The following EXOC4 variants were observed in gnomAD, a reference collection of about 807,000 sequenced individuals.
The protein encoded by EXOC4 is exocyst complex component 4.
Under a neutral mutation model 107.2 loss-of-function variants are expected in EXOC4, and 71 were observed. The observed-to-expected ratio is 0.66, with a 90% CI of 0.55 to 0.81. EXOC4 has a LOEUF of 0.81. EXOC4 is among the 30% of genes least tolerant of loss of function. The pLI, the probability that EXOC4 is intolerant of heterozygous loss-of-function variation, is 0.00. For synonymous variants in EXOC4, 456 were observed against 441.2 expected, an observed-to-expected ratio of 1.03 and a Z score of -0.42; for missense variants, 1,108 against 1,189.6, an observed-to-expected ratio of 0.93 and a Z score of 1.01.
At chr7:133,592,836 C>T (rs1245207127) in intron 9 of EXOC4, among the ~76,000 whole-genome samples, 1 of 152,166 alleles carries the variant, frequency 6.6e-6, no homozygotes, top group African/African-American at 2.4e-5. Context: ...CTCCTGACCT[C>T]ATGATCCACC....
chr7:133,398,074 T>C (rs1425824614), intron 7 of EXOC4, among the ~76,000 whole-genome samples: 1 of 152,208 alleles, frequency 6.6e-6, no homozygotes, highest in Non-Finnish European at 1.5e-5. Flanking sequence ...TCTGCTTTGC[T>C]TTGGTATGAC....
chr7:133,856,871 CA>C (rs1798384305), intron 11 of EXOC4, among the ~76,000 whole-genome samples: 1 of 151,232 alleles, frequency 6.6e-6, no homozygotes, highest in African/African-American at 2.4e-5. Context: ...GAGGCCAAGG[CA>C]GGCGGATCAC....
intron 1 of EXOC4, among the ~76,000 whole-genome samples, chr7:133,258,652 GAT>G (rs1363504795): frequency 6.6e-6 from 1 of 152,070 alleles, no homozygotes; most frequent in African/African-American, 2.4e-5. Flanking sequence ...AGATTCTTTT[GAT>G]ATTAATAAAT....
intron 14 of EXOC4, among the ~76,000 whole-genome samples, chr7:133,971,048 C>A (rs969664720): frequency 6.6e-6 from 1 of 151,918 alleles, no homozygotes; most frequent in African/African-American, 2.4e-5. Context: ...AACTGTAGTG[C>A]CTTCATGAGA....
chr7:133,557,983 C>A (rs79453172), intron 9 of EXOC4, among the ~76,000 whole-genome samples: 6,093 of 152,120 alleles, frequency 0.04, 415 homozygotes, highest in African/African-American at 0.14. Context: ...AGCAAGACTT[C>A]TTCTCAAAAA....
At chr7:133,733,382 C>T (rs1328061544) in intron 10 of EXOC4, among the ~76,000 whole-genome samples, 3 of 152,162 alleles carry the variant, frequency 2.0e-5, no homozygotes, top group African/African-American at 7.2e-5. Flanking sequence ...ATCCCAGCTA[C>T]TCAGGAGGCT....
intron 14 of EXOC4, among the ~76,000 whole-genome samples, chr7:133,979,547 G>A (rs1335339850): frequency 6.6e-6 from 1 of 152,134 alleles, no homozygotes; most frequent in Non-Finnish European, 1.5e-5. Flanking sequence ...CAGCACTTTG[G>A]GAGGCCCAGG....
chr7:133,759,037 G>A (rs1795977906), intron 10 of EXOC4, among the ~76,000 whole-genome samples: 1 of 152,122 alleles, frequency 6.6e-6, no homozygotes, highest in African/African-American at 2.4e-5. Context: ...AGTTTTAAAT[G>A]TGATGAATTT....
At chr7:133,692,725 C>T (rs1358781681) in intron 10 of EXOC4, among the ~76,000 whole-genome samples, 2 of 152,178 alleles carry the variant, frequency 1.3e-5, no homozygotes, top group African/African-American at 2.4e-5. Flanking sequence ...AGTAGCAATA[C>T]GTATCAGTCT....
chr7:133,769,847 C>G (rs188968874), intron 10 of EXOC4, among the ~76,000 whole-genome samples: 54 of 151,990 alleles, frequency 3.6e-4, no homozygotes, highest in Non-Finnish European at 7.1e-4. Context: ...CCACAGGGAG[C>G]CTCACACTCC....
intron 12 of EXOC4, among the ~76,000 whole-genome samples, chr7:133,915,245 CA>C: frequency 1.3e-5 from 2 of 151,922 alleles, no homozygotes; most frequent in East Asian, 1.9e-4. Flanking sequence ...TTCATTCATT[CA>C]TTCATTCATT....
At chr7:133,919,003 C>A (rs959987271) in intron 13 of EXOC4, among the ~76,000 whole-genome samples, 1 of 152,156 alleles carries the variant, frequency 6.6e-6, no homozygotes, top group African/African-American at 2.4e-5. Flanking sequence ...TATAATCATA[C>A]ACTACAGTGC....
At chr7:133,398,085 G>A (rs886627459) in intron 7 of EXOC4, among the ~76,000 whole-genome samples, 1 of 152,042 alleles carries the variant, frequency 6.6e-6, no homozygotes, top group Non-Finnish European at 1.5e-5. Context: ...TTGGTATGAC[G>A]TCTTATTCAT....
chr7:133,942,141 G>A (rs1273977334), intron 14 of EXOC4, among the ~76,000 whole-genome samples: 1 of 152,000 alleles, frequency 6.6e-6, no homozygotes, highest in African/African-American at 2.4e-5. Flanking sequence ...AGGCTCAAGG[G>A]CTTATTTTGT....
intron 1 of EXOC4, among the ~76,000 whole-genome samples, chr7:133,273,496 TTTTGCC>T (rs1376337098): frequency 6.6e-6 from 1 of 152,184 alleles, no homozygotes. Context: ...CCTGAGTGGC[TTTTGCC>T]CTTCCCTTCA....
intron 17 of EXOC4, among the ~76,000 whole-genome samples, chr7:134,033,619 A>G (rs1035719712): frequency 3.0e-4 from 46 of 152,202 alleles, no homozygotes; most frequent in African/African-American, 1.1e-3. Context: ...GGGAGGGGAA[A>G]TTACTGAAGA....
chr7:133,849,504 A>G (rs1384152953), intron 11 of EXOC4, among the ~76,000 whole-genome samples: 1 of 152,190 alleles, frequency 6.6e-6, no homozygotes, highest in Non-Finnish European at 1.5e-5. Flanking sequence ...GAGTATTACC[A>G]TTGTTTTTAA....
chr7:134,076,579 T>G, the EXOC4 span, among the ~76,000 whole-genome samples: 1 of 151,996 alleles, frequency 6.6e-6, no homozygotes, highest in Non-Finnish European at 1.5e-5. Context: ...TAGCCAGGGT[T>G]TTCCAGAGAA....
chr7:133,830,853 C>T (rs1797794278), intron 11 of EXOC4, among the ~76,000 whole-genome samples: 1 of 152,046 alleles, frequency 6.6e-6, no homozygotes, highest in African/African-American at 2.4e-5. Flanking sequence ...AACTTAATGC[C>T]CTCTTGCTGT....
Sources: gnomAD v4.1 joint callset for allele counts (sites outside exome capture counted in the v4.1 genomes callset) on GRCh38, gnomAD v4.1.1 for gene constraint, MANE v1.5 for transcripts, NCBI Gene and HGNC (gene_info 2026-07-23, HGNC 2026-07-21) for gene names.